ZFHX3: variants seen among roughly 807,000 people sequenced by gnomAD.
The protein encoded by ZFHX3 is zinc finger homeobox 3.
A neutral mutation model predicts 279.1 loss-of-function variants in ZFHX3; 42 were observed. That is an observed-to-expected ratio of 0.15 (90% CI 0.12 to 0.19). The LOEUF (loss-of-function observed/expected upper bound fraction) is 0.19. Among genes scored for constraint, ZFHX3 ranks in the 10% least tolerant of loss-of-function variants. The probability of loss-of-function intolerance (pLI) is 1.00; values close to 1 mark genes in which losing one functional copy is unlikely to be tolerated. For synonymous variants in ZFHX3, 2,293 were observed against 1,957.8 expected (o/e 1.17, Z -4.52); for missense variants, 4,981 against 4,754.0 (o/e 1.05, Z -1.40).
At chr16:73,378,461 GAA>G (rs1439198714) in intron 3 of ZFHX3, among the ~76,000 whole-genome samples, 1 of 152,094 alleles carries the variant, frequency 6.6e-6, no homozygotes, top group Non-Finnish European at 1.5e-5. Flanking sequence ...ATGACACTGT[GAA>G]ATTACTATCT....
intron 8 of ZFHX3, among the ~76,000 whole-genome samples, chr16:73,087,493 C>T (rs981190199): frequency 2.0e-5 from 3 of 152,174 alleles, no homozygotes; most frequent in African/African-American, 7.2e-5. Flanking sequence ...TTTGATATAG[C>T]CAAGATTTTA....
chr16:73,075,665 G>A (rs1395430945), intron 8 of ZFHX3, among the ~76,000 whole-genome samples: 1 of 150,500 alleles, frequency 6.6e-6, no homozygotes, highest in Non-Finnish European at 1.5e-5. Context: ...ATGGAGTCTC[G>A]CTCTGTGGCC....
chr16:73,096,888 T>A (rs919399642), intron 7 of ZFHX3, among the ~76,000 whole-genome samples: 1 of 152,148 alleles, frequency 6.6e-6, no homozygotes, highest in African/African-American at 2.4e-5. Context: ...TCAAGAAGAC[T>A]GGCACCTTTG....
At chr16:73,481,002 C>T (rs1464271438) in intron 2 of ZFHX3, among the ~76,000 whole-genome samples, 1 of 152,176 alleles carries the variant, frequency 6.6e-6, no homozygotes. Flanking sequence ...CAACTCTTCT[C>T]TGTGCTAGGT....
intron 5 of ZFHX3, among the ~76,000 whole-genome samples, chr16:73,180,715 T>C (rs1188599458): frequency 6.6e-6 from 1 of 151,924 alleles, no homozygotes; most frequent in Non-Finnish European, 1.5e-5. Context: ...CAGGCTGGAG[T>C]GCAGTGGTGC....
At chr16:72,825,754 G>A (rs2036914313) in intron 5 of ZFHX3, among the ~76,000 whole-genome samples, 2 of 152,080 alleles carry the variant, frequency 1.3e-5, no homozygotes, top group African/African-American at 4.8e-5. Context: ...TGTTCCTTTG[G>A]GGTATCTATA....
Position 72,787,986 on chromosome 16 carries a change from C to G in ZFHX3, c.10290G>C (p.Glu3430Asp), listed in dbSNP as rs1356858394. Residue 3430 changes from glutamate to aspartate, a missense_variant, in exon 10 of 10, where the codon GAG becomes GAC. Physicochemically the swap from Glu to Asp is conservative, Grantham distance 45. Coordinates refer to ENST00000268489, the MANE Select transcript of ZFHX3 (RefSeq NM_006885.4). ...KPEEQKNTPR[E>D]VSPLLPKLPE... ...GGAGTTTCGGCAGGAGGGGGGACAC[C>G]TCACGGGGGGTGTTTTTCTGTTCTT... The G allele has an allele frequency of 1.9e-6, 3 of 1,613,136 alleles. No homozygotes were observed. Among genetic ancestry groups the G allele is most frequent in the Non-Finnish European group, 2.5e-6 (3 of 1,179,902 alleles).
intron 1 of ZFHX3, among the ~76,000 whole-genome samples, chr16:73,818,238 C>A: frequency 6.6e-6 from 1 of 152,086 alleles, no homozygotes; most frequent in East Asian, 1.9e-4. Context: ...ACTGCACACG[C>A]AAAAGCAAAT....
chr16:72,922,193 G>A (rs2039602744), intron 3 of ZFHX3, among the ~76,000 whole-genome samples: 1 of 152,180 alleles, frequency 6.6e-6, no homozygotes, highest in Non-Finnish European at 1.5e-5. Context: ...CACAGGGGGT[G>A]ACACCCAGAC....
rs573202210 is a variant in ZFHX3 at position 73,478,399 on chromosome 16, G to C, written c.-1546-22141C>G. Among the ~76,000 whole-genome samples, 17 of 151,914 alleles carry C rather than the reference G, an allele frequency of 1.1e-4. No individual in the cohort carries two copies. In the South Asian group the frequency reaches 2.5e-3, roughly 22 times the overall value. On this transcript the variant is annotated intron_variant, in intron 2 of 17. Coordinates refer to the ZFHX3 transcript ENST00000641206. ...ACTGAGCTATCCAGGCTTCTTCCCTGCTAGTTTATTTTAATGCAGTAATAA... is the reference window on the plus strand; with the variant it reads ...ACTGAGCTATCCAGGCTTCTTCCCTCCTAGTTTATTTTAATGCAGTAATAA...
rs188670696 is a variant in ZFHX3, at chr16:73,084,553, C to A, written c.-533+8682G>T. On this transcript the variant is annotated intron_variant, in intron 8 of 17. Coordinates refer to the ZFHX3 transcript ENST00000641206. ...TTTTTTTTTTTGAGATGGAGTCTTGCTCTGTCACCCAGGCTGGAGTGCAGT... is the reference window on the plus strand; with the variant it reads ...TTTTTTTTTTTGAGATGGAGTCTTGATCTGTCACCCAGGCTGGAGTGCAGT... 1.9e-3 allele frequency among the ~76,000 whole-genome samples: 225 copies of A among 121,504 alleles called. No homozygotes were observed. In the Middle Eastern group the frequency reaches 0.022, roughly 12 times the overall value. 79.7% of individuals were successfully genotyped at this position (121,504 alleles called of 152,430 possible).
chr16:73,296,441 T>C (rs1367750375), intron 4 of ZFHX3, among the ~76,000 whole-genome samples: 9 of 152,126 alleles, frequency 5.9e-5, no homozygotes, highest in African/African-American at 9.7e-5. Flanking sequence ...TGGAAATATA[T>C]CCAAGGACAG....
chr16:73,482,657 C>G (rs1462593049), intron 2 of ZFHX3, among the ~76,000 whole-genome samples: 2 of 152,192 alleles, frequency 1.3e-5, no homozygotes, highest in Admixed American at 1.3e-4. Context: ...TCAATTTGTA[C>G]AAATGGAGAA....
rs372851949 is a variant in ZFHX3 at position 72,958,271 on chromosome 16, G to A, written c.1875C>T (p.Ser625=). 1.9e-6 allele frequency: 3 copies of A among 1,613,960 alleles called. No individual in the cohort carries two copies. Among genetic ancestry groups the A allele is most frequent in the South Asian group, 2.2e-5 (2 of 91,090 alleles). ...GFVPHHQHAG[S]LCELGVGECP... is the part of the protein sequence containing the mutation. ...ACTCCCCAACCCCAAGCTCGCAGAG[G>A]GAGCCAGCGTGCTGGTGATGGGGAA... The change falls in exon 2 of 10, where the codon TCC becomes TCT. Residue 625 remains serine (S), a synonymous_variant. Transcript: ENST00000268489.
At chr16:73,561,616 A>G (rs984457369) in intron 2 of ZFHX3, among the ~76,000 whole-genome samples, 1 of 150,144 alleles carries the variant, frequency 6.7e-6, no homozygotes, top group African/African-American at 2.4e-5. Flanking sequence ...TAAATTTGGA[A>G]TTTTTCAAGT....
chr16:73,758,252 TCA>T (rs2053831041), intron 1 of ZFHX3, among the ~76,000 whole-genome samples: 1 of 151,686 alleles, frequency 6.6e-6, no homozygotes, highest in Non-Finnish European at 1.5e-5. Context: ...ATTCATTCAT[TCA>T]TTCATTCAAC....
chr16:72,910,627 G>C (rs372398679), intron 3 of ZFHX3, among the ~76,000 whole-genome samples: 1 of 152,166 alleles, frequency 6.6e-6, no homozygotes, highest in Non-Finnish European at 1.5e-5. Context: ...CTGTTTAATG[G>C]ACACAGGAGA....
At position 72,794,423 on chromosome 16, in the gene ZFHX3, G is replaced by A; in HGVS notation, c.8259C>T (p.Asp2753=). 1 of 1,613,470 alleles carries A rather than the reference G, an allele frequency of 6.2e-7. No homozygotes were observed. The highest frequency in any genetic ancestry group is 8.5e-7 in the Non-Finnish European group (1 of 1,179,714). Residue 2753 remains aspartate, a synonymous_variant, in exon 9 of 10, where the codon GAC becomes GAT. Coordinates refer to ENST00000268489, the MANE Select transcript of ZFHX3 (RefSeq NM_006885.4). This position sits in a 1 kb window ranked among gnomAD's most constrained non-coding sequence, Gnocchi z 4.2. ...CTTTCATCTGGAGTCCCCCATCACA[G>A]TCTAAGAGCATCGCAGACAGAGTTA... ...YNLTLSAMLL[D]CDGGLQMKGD... is the part of the protein sequence containing the mutation.
chr16:73,443,017 C>A (rs79453138), intron 3 of ZFHX3, among the ~76,000 whole-genome samples: 1 of 152,134 alleles, frequency 6.6e-6, no homozygotes, highest in Non-Finnish European at 1.5e-5. Context: ...TTAGGGCCCA[C>A]CCTAACAACT....
Sources: allele counts gnomAD v4.1 joint callset (sites outside exome capture counted in the v4.1 genomes callset), GRCh38; gene constraint gnomAD v4.1.1; non-coding constraint Gnocchi (gnomAD v3.1); transcripts MANE v1.5; gene names NCBI Gene and HGNC (gene_info 2026-07-23, HGNC 2026-07-21).